The following PTPRR variants were observed in gnomAD, a reference collection of about 807,000 sequenced individuals.
PTPRR encodes receptor-type tyrosine-protein phosphatase R.
In PTPRR, 38 loss-of-function variants were observed where a neutral mutation model predicts 77.2. The observed-to-expected ratio is 0.49, with a 90% CI of 0.38 to 0.65. The LOEUF (loss-of-function observed/expected upper bound fraction) is 0.65, where lower values mean the gene tolerates loss of function less well. PTPRR is among the 30% of genes least tolerant of loss of function. PTPRR has a pLI of 0.00. For missense variants in PTPRR, 744 were observed against 799.2 expected (o/e 0.93, Z 0.83); for synonymous variants, 299 against 283.1 (o/e 1.06, Z -0.57).
At chr12:70,888,188 G>A (rs866000924) in intron 2 of PTPRR, among the ~76,000 whole-genome samples, 2 of 152,232 alleles carry the variant, frequency 1.3e-5, no homozygotes, top group African/African-American at 4.8e-5. Flanking sequence ...TTTTGTTGTT[G>A]CCACAGGCTT....
At chr12:70,650,127 C>T (rs748944325) in intron 13 of PTPRR, among the ~76,000 whole-genome samples, 15 of 152,076 alleles carry the variant, frequency 9.9e-5, no homozygotes, top group South Asian at 4.2e-4. Flanking sequence ...TGTGAGTCTC[C>T]GAGTGGGGAA....
intron 5 of PTPRR, 43 bp downstream of exon 5, chr12:70,754,148 G>A: frequency 6.3e-7 from 1 of 1,580,886 alleles, no homozygotes; most frequent in South Asian, 1.1e-5. Context: ...ATATCAAGCA[G>A]TGGGCTGAGC....
intron 13 of PTPRR, among the ~76,000 whole-genome samples, chr12:70,647,376 C>T (rs182967471): frequency 5.9e-4 from 90 of 152,274 alleles, no homozygotes; most frequent in African/African-American, 2.1e-3. Context: ...CTGATAGTCA[C>T]GAATTGATTT....
intron 1 of PTPRR, among the ~76,000 whole-genome samples, chr12:70,897,292 C>T (rs1893446769): frequency 6.6e-6 from 1 of 151,446 alleles, no homozygotes; most frequent in Admixed American, 6.6e-5. Context: ...ACAATGAACT[C>T]AAACACATTT....
Position 70,701,329 on chromosome 12 carries a change from T to C in PTPRR, c.1008-6A>G, listed in dbSNP as rs777147398. The C allele has an allele frequency of 6.2e-7, 1 of 1,610,750 alleles. No homozygotes were observed. The highest frequency in any genetic ancestry group is 8.5e-7 in the Non-Finnish European group (1 of 1,177,300). On this transcript the variant is annotated splice_region_variant and splice_polypyrimidine_tract_variant and intron_variant, in intron 6 of 13. Coordinates refer to ENST00000283228, the MANE Select transcript of PTPRR (RefSeq NM_002849.4). The stretch of plus-strand genomic sequence containing the variant: ...GAGATACGTTGGACCCTCTTCTACA[T>C]TGGAGAAGAATGTTATGTTTAAACA...
At chr12:70,765,220 G>A (rs952028699) in intron 2 of PTPRR, among the ~76,000 whole-genome samples, 3 of 152,186 alleles carry the variant, frequency 2.0e-5, no homozygotes, top group Admixed American at 6.5e-5. Context: ...TGCCTCACTC[G>A]GGAAGTGCAA....
chr12:70,776,621 C>T (rs1383533125), intron 2 of PTPRR, among the ~76,000 whole-genome samples: 1 of 152,118 alleles, frequency 6.6e-6, no homozygotes, highest in African/African-American at 2.4e-5. Context: ...ATTAAACATG[C>T]CATGTCCTTT....
In PTPRR at chr12:70,799,141, A is replaced by G. The variant is rs1372699058; in HGVS notation, c.358-34363T>C. 5.9e-5 allele frequency among the ~76,000 whole-genome samples: 9 copies of G among 152,178 alleles called. No individual in the cohort carries two copies. The South Asian group carries it at 1.9e-3, about 32-fold the overall frequency. On this transcript the variant is annotated intron_variant, in intron 2 of 13. Coordinates refer to ENST00000283228, the MANE Select transcript of PTPRR (RefSeq NM_002849.4). ...CTTACCTCCCTGACCATACCTGTAC[A>G]CATTAATTTTTATCCTCAAAAAACA...
chr12:70,804,139 C>CTCTG (rs1555176952), intron 2 of PTPRR, among the ~76,000 whole-genome samples: 1 of 137,252 alleles, frequency 7.3e-6, no homozygotes, highest in African/African-American at 2.7e-5. Flanking sequence ...GTTCCTGGCT[C>CTCTG]TGTGTGTGTG....
At chr12:70,798,375 A>G (rs949650000) in intron 2 of PTPRR, among the ~76,000 whole-genome samples, 3 of 152,114 alleles carry the variant, frequency 2.0e-5, no homozygotes, top group African/African-American at 7.2e-5. Flanking sequence ...TTTCCAATCC[A>G]TTCTTCATAT....
chr12:70,835,430 T>C (rs542947485), intron 2 of PTPRR, among the ~76,000 whole-genome samples: 5 of 152,140 alleles, frequency 3.3e-5, no homozygotes, highest in African/African-American at 7.2e-5. Context: ...GTGTACTCTA[T>C]GTTCCATTTA....
rs374381902 is a variant in PTPRR, at chr12:70,726,203, A to AT, written c.1007+19614dup. ...TTAGTCAACTTAATTCAAGAAAATT[A>AT]TACAAAAAATCTAATTTAATGCAAC... is the stretch of plus-strand genomic sequence containing the variant. On this transcript the variant is annotated intron_variant, in intron 6 of 13. Transcript: ENST00000283228. Among the ~76,000 whole-genome samples the AT allele has an allele frequency of 2.0e-3, 304 of 152,174 alleles. 1 individual carries two copies. Among genetic ancestry groups the AT allele is most frequent in the African/African-American group, 7.0e-3 (290 of 41,494 alleles).
chr12:70,683,788 AG>A (rs1887760124), intron 10 of PTPRR, among the ~76,000 whole-genome samples: 3 of 152,238 alleles, frequency 2.0e-5, no homozygotes, highest in Admixed American at 2.0e-4. Context: ...TGACTACAGT[AG>A]TACCTGTCAC....
At chr12:70,766,238 C>T (rs949705096) in intron 2 of PTPRR, among the ~76,000 whole-genome samples, 121 of 152,220 alleles carry the variant, frequency 7.9e-4, no homozygotes, top group African/African-American at 2.8e-3. Context: ...GAAATTCAAA[C>T]CAAAGGCAAA....
At chr12:70,805,904 A>T (rs1891701913) in intron 2 of PTPRR, among the ~76,000 whole-genome samples, 1 of 152,110 alleles carries the variant, frequency 6.6e-6, no homozygotes, top group African/African-American at 2.4e-5. Context: ...ATATTAGAAA[A>T]ATTATGTATA....
intron 8 of PTPRR, among the ~76,000 whole-genome samples, chr12:70,685,961 G>C (rs934361510): frequency 6.6e-6 from 1 of 152,130 alleles, no homozygotes; most frequent in Admixed American, 6.5e-5. Context: ...CGAACACTAG[G>C]GTACCATTAG....
intron 2 of PTPRR, among the ~76,000 whole-genome samples, chr12:70,783,095 G>A (rs982238929): frequency 6.6e-6 from 1 of 152,182 alleles, no homozygotes; most frequent in African/African-American, 2.4e-5. Context: ...AACCTCTGTG[G>A]CTGGTGGCAC....
chr12:70,868,731 T>C (rs1437799340), intron 2 of PTPRR, among the ~76,000 whole-genome samples: 2 of 152,122 alleles, frequency 1.3e-5, no homozygotes, highest in Non-Finnish European at 2.9e-5. Context: ...TAAAGACACA[T>C]GCACATGTAT....
intron 5 of PTPRR, among the ~76,000 whole-genome samples, chr12:70,752,428 G>T (rs1284483009): frequency 2.0e-5 from 3 of 152,316 alleles, no homozygotes; most frequent in South Asian, 2.1e-4. Context: ...GCCCCAAGTG[G>T]TTGAGGGTGT....
Sources: gnomAD v4.1 joint callset for allele counts (sites outside exome capture counted in the v4.1 genomes callset) on GRCh38, gnomAD v4.1.1 for gene constraint, MANE v1.5 for transcripts, NCBI Gene and HGNC (gene_info 2026-07-23, HGNC 2026-07-21) for gene names.